The following KIAA1671 variants were observed in gnomAD, a reference collection of about 807,000 sequenced individuals.
KIAA1671 encodes the protein uncharacterized protein KIAA1671.
KIAA1671 carries 52 observed loss-of-function variants against 131.2 expected under a neutral mutation model. The ratio of observed to expected loss-of-function variants is 0.40; its 90% CI spans 0.32 to 0.50. The LOEUF is 0.50. KIAA1671 is among the 20% of genes least tolerant of loss of function. KIAA1671 has a pLI of 0.73. For missense variants in KIAA1671, 2,360 were observed against 2,364.2 expected (o/e 1.00, Z 0.04); for synonymous variants, 1,003 against 961.6 (o/e 1.04, Z -0.80).
rs1035611710 is a variant in KIAA1671, at chr22:25,032,704, G to A, written c.1629+8G>A. On this transcript the variant is annotated splice_region_variant and intron_variant, in intron 4 of 12. Coordinates refer to ENST00000358431, the MANE Select transcript of KIAA1671 (RefSeq NM_001145206.2). Reference sequence around the variant, plus strand: ...AAGGAACCGAGAGAAAAGGTAAGGAGTGGCTGTGTAGCACGTCTCTCATTA... The same window carrying A: ...AAGGAACCGAGAGAAAAGGTAAGGAATGGCTGTGTAGCACGTCTCTCATTA... The A allele has an allele frequency of 3.7e-5, 57 of 1,529,820 alleles. No individual in the cohort carries two copies. In the Middle Eastern group the frequency reaches 1.2e-3, roughly 32 times the overall value. The allele number at this position is 1,529,820 out of a possible 1,614,324, so 94.8% of individuals were successfully genotyped here.
chr22:25,075,995 C>T (rs5996832), intron 6 of KIAA1671, among the ~76,000 whole-genome samples: 36,503 of 151,558 alleles, frequency 0.24, 4,425 homozygotes, highest in South Asian at 0.31. Context: ...AGGCTCGTCT[C>T]GAACTCCTGA....
intron 6 of KIAA1671, among the ~76,000 whole-genome samples, chr22:25,085,979 C>T (rs928669440): frequency 3.9e-5 from 6 of 152,116 alleles, no homozygotes; most frequent in Non-Finnish European, 7.3e-5. Context: ...ATCCCTGTCA[C>T]GTGACACAGT....
At chr22:24,988,417 T>TC (rs1184199443) in intron 1 of KIAA1671, among the ~76,000 whole-genome samples, 4 of 151,968 alleles carry the variant, frequency 2.6e-5, no homozygotes, top group African/African-American at 9.7e-5. Flanking sequence ...ATCCTTTGGG[T>TC]AGAAAATCAC....
At chr22:24,998,032 G>A (rs1255509762) in intron 1 of KIAA1671, among the ~76,000 whole-genome samples, 1 of 152,116 alleles carries the variant, frequency 6.6e-6, no homozygotes, top group Non-Finnish European at 1.5e-5. Flanking sequence ...TTTTCTTCTT[G>A]TTGCAGTACA....
At chr22:25,018,028 T>C (rs1925431497) in intron 1 of KIAA1671, among the ~76,000 whole-genome samples, 2 of 151,820 alleles carry the variant, frequency 1.3e-5, no homozygotes, top group South Asian at 4.2e-4. Context: ...AACCTCCTCC[T>C]CCTCCTCCTC....
intron 6 of KIAA1671, among the ~76,000 whole-genome samples, chr22:25,165,268 G>T (rs889279102): frequency 6.6e-6 from 1 of 152,176 alleles, no homozygotes; most frequent in Non-Finnish European, 1.5e-5. Context: ...AAAGAGCAGA[G>T]AATGCAGTTA....
intron 3 of KIAA1671, 73 bp from the exon 4 acceptor site, chr22:25,032,536 C>T: frequency 3.2e-6 from 3 of 923,502 alleles, no homozygotes; most frequent in Non-Finnish European, 1.7e-6. Context: ...GGCCTGGCCT[C>T]CTGAGCTGGT....
intron 7 of KIAA1671, among the ~76,000 whole-genome samples, chr22:25,172,298 C>T (rs1933876863): frequency 1.3e-5 from 2 of 152,056 alleles, no homozygotes; most frequent in South Asian, 4.2e-4. Flanking sequence ...TGAGGGGGTG[C>T]TCCCTGCTGT....
rs567245225 is a variant in KIAA1671 at position 25,168,216 on chromosome 22, C to G, written c.4531-2604C>G. 1.4e-4 allele frequency among the ~76,000 whole-genome samples: 22 copies of G among 152,324 alleles called. No homozygotes were observed. In the South Asian group the frequency reaches 4.4e-3, roughly 30 times the overall value. On this transcript the variant is annotated intron_variant, in intron 6 of 12. Transcript: ENST00000358431. ...TGCCAGGCAGGCTCCAAGAGGGGAA[C>G]AGAAACATTGGAGCATCCCAGTCTT...
chr22:25,020,655 C>T (rs1359151656), intron 1 of KIAA1671, among the ~76,000 whole-genome samples: 1 of 152,096 alleles, frequency 6.6e-6, no homozygotes, highest in African/African-American at 2.4e-5. Flanking sequence ...CAGAGGAGCA[C>T]CTGAACAAGC....
intron 1 of KIAA1671, among the ~76,000 whole-genome samples, chr22:24,970,374 G>A (rs1323966379): frequency 6.6e-6 from 1 of 152,236 alleles, no homozygotes; most frequent in Non-Finnish European, 1.5e-5. Context: ...GGCAGGTCAT[G>A]GAGCCTGGTT....
At chr22:25,080,253 A>C (rs897535266) in intron 6 of KIAA1671, among the ~76,000 whole-genome samples, 5 of 152,194 alleles carry the variant, frequency 3.3e-5, no homozygotes, top group African/African-American at 1.2e-4. Flanking sequence ...CCCCAGCTGT[A>C]CAATGGGAAG....
chr22:25,164,070 C>G (rs1377229794), intron 6 of KIAA1671, among the ~76,000 whole-genome samples: 1 of 152,222 alleles, frequency 6.6e-6, no homozygotes, highest in African/African-American at 2.4e-5. Context: ...GCCCAGAGTT[C>G]TCACCTTCCA....
chr22:25,088,766 C>T (rs1009921543), intron 6 of KIAA1671, among the ~76,000 whole-genome samples: 1 of 152,162 alleles, frequency 6.6e-6, no homozygotes, highest in Non-Finnish European at 1.5e-5. Flanking sequence ...CAGTCCCCTC[C>T]TCCGGAAACT....
At chr22:25,078,342 C>G (rs1010247243) in intron 6 of KIAA1671, among the ~76,000 whole-genome samples, 1 of 152,132 alleles carries the variant, frequency 6.6e-6, no homozygotes, top group African/African-American at 2.4e-5. Flanking sequence ...TTGGGTAACA[C>G]AGCAATACTC....
At chr22:24,997,923 A>G (rs1417910460) in intron 1 of KIAA1671, among the ~76,000 whole-genome samples, 1 of 152,172 alleles carries the variant, frequency 6.6e-6, no homozygotes, top group Non-Finnish European at 1.5e-5. Context: ...AGCTCACTTC[A>G]TATAAATTTT....
intron 6 of KIAA1671, among the ~76,000 whole-genome samples, chr22:25,135,156 C>CA (rs1327939110): frequency 9.9e-5 from 15 of 152,132 alleles, no homozygotes; most frequent in African/African-American, 3.6e-4. Flanking sequence ...GCTGTTAGTG[C>CA]CAGTGGCTTT....
chr22:24,969,283 G>A (rs929305154), intron 1 of KIAA1671, among the ~76,000 whole-genome samples: 1 of 152,162 alleles, frequency 6.6e-6, no homozygotes, highest in Non-Finnish European at 1.5e-5. Flanking sequence ...CTCAGATACC[G>A]AAATCTGAGC....
chr22:25,171,244 CA>C (rs1933837952), intron 7 of KIAA1671, among the ~76,000 whole-genome samples: 3 of 151,510 alleles, frequency 2.0e-5, no homozygotes, highest in African/African-American at 7.3e-5. Flanking sequence ...TACTAAAATA[CA>C]AAAAATTAGC....
Sources: gnomAD v4.1 joint callset for allele counts (sites outside exome capture counted in the v4.1 genomes callset) on GRCh38, gnomAD v4.1.1 for gene constraint, MANE v1.5 for transcripts, NCBI Gene and HGNC (gene_info 2026-07-23, HGNC 2026-07-21) for gene names.